Variants in TRPM1 observed in about 807,000 individuals in gnomAD.
The protein encoded by TRPM1 is TRPM1-203 APA Isoform, Intron 10.
TRPM1 carries 113 observed loss-of-function variants against 149.4 expected under a neutral mutation model. That is an observed-to-expected ratio of 0.76 (90% CI 0.65 to 0.88). The LOEUF is 0.88. Among genes scored for constraint, TRPM1 ranks in the 40% least tolerant of loss-of-function variants. The probability of loss-of-function intolerance (pLI) is 0.00; values close to 1 mark genes in which losing one functional copy is unlikely to be tolerated. For missense variants in TRPM1, 1,976 were observed against 2,038.7 expected (o/e 0.97, Z 0.59); for synonymous variants, 741 against 759.5 (o/e 0.98, Z 0.40).
At position 31,040,289 on chromosome 15, in the gene TRPM1, C is replaced by T; in HGVS notation, c.2145G>A (p.Gln715=). ...CGTAGGTCAGGAGTTTCATAGCGAT[C>T]TGCTCGTCATGCTTATAGGACTGGT... ...LLDQSYKHDE[Q]IAMKLLTYEL... Residue 715 remains glutamine, a synonymous_variant, in exon 18 of 28, where the codon CAG becomes CAA. Coordinates refer to ENST00000256552, the MANE Select transcript of TRPM1 (RefSeq NM_001252024.2). The surrounding 1 kb of genome is among the most constrained non-coding windows in gnomAD (Gnocchi z 4.2). The T allele has an allele frequency of 6.2e-7, 1 of 1,614,222 alleles. No homozygotes were observed. The highest frequency in any genetic ancestry group is 8.5e-7 in the Non-Finnish European group (1 of 1,180,044).
In TRPM1 at chr15:31,040,114, G is replaced by C. The variant is rs530699329; in HGVS notation, c.2316+4C>G. ...TGGCCCGCCTCGCAGCACGTTGCACGCACCTTCAGGCCGGGGTTCTTCCGC... is the reference window on the plus strand; with the variant it reads ...TGGCCCGCCTCGCAGCACGTTGCACCCACCTTCAGGCCGGGGTTCTTCCGC... On this transcript the variant is annotated splice_donor_region_variant and intron_variant, in intron 18 of 27. Coordinates refer to ENST00000256552, the MANE Select transcript of TRPM1 (RefSeq NM_001252024.2). This position sits in a 1 kb window ranked among gnomAD's most constrained non-coding sequence, Gnocchi z 4.2. 53 of 1,613,892 alleles carry C rather than the reference G, an allele frequency of 3.3e-5. No homozygotes were observed. The East Asian group carries it at 1.0e-3, about 31-fold the overall frequency.
At chr15:31,097,771 C>T (rs923581450) in intron 1 of TRPM1, among the ~76,000 whole-genome samples, 5 of 152,122 alleles carry the variant, frequency 3.3e-5, no homozygotes, top group Non-Finnish European at 2.9e-5. Flanking sequence ...AGAGCTGTCC[C>T]GCATGGTAGA....
rs2140899012 is a variant in TRPM1 at position 31,026,210 on chromosome 15, C to T, written c.3558G>A (p.Gln1186=). The change falls in exon 27 of 28, where the codon CAG becomes CAA. Residue 1186 remains glutamine, a synonymous_variant. Transcript: ENST00000256552. ...RLHEFEEQCV[Q]EHFREKEDEQ... ...CATCCTCCTTCTCCCGGAAGTGCTC[C>T]TGCACGCACTGCTCCTCGAACTCAT... The T allele has an allele frequency of 3.1e-6, 5 of 1,612,612 alleles. No homozygotes were observed. The highest frequency in any genetic ancestry group is 1.1e-5 in the South Asian group (1 of 91,078).
intron 11 of TRPM1, among the ~76,000 whole-genome samples, chr15:31,055,665 C>T (rs1211921992): frequency 6.6e-6 from 1 of 152,136 alleles, no homozygotes. Flanking sequence ...GGCCCAGAGC[C>T]CATCAGCCCT....
rs933835901 is a variant in TRPM1, at chr15:31,055,537, G to A, written c.1264-4955C>T. On this transcript the variant is annotated intron_variant, in intron 11 of 27. Transcript: ENST00000256552. ...CCGGAAGATGGTCTACAGAGCAGGAGGCCACACATCCCCTCCCGGTCTCCA... is the reference window on the plus strand; with the variant it reads ...CCGGAAGATGGTCTACAGAGCAGGAAGCCACACATCCCCTCCCGGTCTCCA... 2.0e-5 allele frequency among the ~76,000 whole-genome samples: 3 copies of A among 152,184 alleles called. No individual in the cohort carries two copies. The South Asian group carries it at 6.2e-4, about 32-fold the overall frequency.
chr15:31,156,893 T>C (rs2036384661), intron 1 of TRPM1, among the ~76,000 whole-genome samples: 1 of 152,044 alleles, frequency 6.6e-6, no homozygotes, highest in Admixed American at 6.6e-5. Context: ...GGATTTCCCT[T>C]GTTTTAGATT....
chr15:31,029,943 A>G (rs1432175146), intron 23 of TRPM1, among the ~76,000 whole-genome samples: 2 of 152,230 alleles, frequency 1.3e-5, no homozygotes, highest in African/African-American at 4.8e-5. Flanking sequence ...CCTGGAATTC[A>G]GGAACTTTTA....
intron 27 of TRPM1, among the ~76,000 whole-genome samples, chr15:31,022,789 C>T (rs185172564): frequency 6.6e-6 from 1 of 152,072 alleles, no homozygotes; most frequent in Admixed American, 6.5e-5. Flanking sequence ...GAGGCTGAGG[C>T]AGGATTGCTG....
chr15:31,057,265 T>C (rs921827845), intron 11 of TRPM1, among the ~76,000 whole-genome samples: 23 of 152,210 alleles, frequency 1.5e-4, no homozygotes, highest in Admixed American at 1.5e-3. Context: ...TGGAGGCCAT[T>C]ATCCTTAGCA....
chr15:31,115,466 T>C (rs1359275591), intron 1 of TRPM1, among the ~76,000 whole-genome samples: 1 of 152,020 alleles, frequency 6.6e-6, no homozygotes, highest in Non-Finnish European at 1.5e-5. Flanking sequence ...GAAATAGAAT[T>C]ATAGCTTCTA....
At chr15:31,104,521 G>A (rs1479782669), upstream of TRPM1, among the ~76,000 whole-genome samples, 9 of 151,942 alleles carry the variant, frequency 5.9e-5, no homozygotes, top group Non-Finnish European at 1.0e-4. Context: ...TTGCAATGCC[G>A]GCGGACTTTG....
Position 31,143,780 on chromosome 15 carries a change from A to AT in TRPM1, c.54+17125dup, listed in dbSNP as rs2036189269. ...TTTAAGCTATCTATAGCTTACAGCA[A>AT]TTTTGTGAAGCATACTTTTGTAAAC... On this transcript the variant is annotated intron_variant, in intron 1 of 26. Coordinates refer to the TRPM1 transcript ENST00000542188. Among the ~76,000 whole-genome samples, 6 of 152,076 alleles carry AT rather than the reference A, an allele frequency of 3.9e-5. No individual in the cohort carries two copies. In the South Asian group the frequency reaches 1.2e-3, roughly 32 times the overall value.
chr15:31,057,394 G>A (rs1356404728), intron 11 of TRPM1, among the ~76,000 whole-genome samples: 1 of 152,128 alleles, frequency 6.6e-6, no homozygotes, highest in East Asian at 1.9e-4. Context: ...GGAGGGAGGA[G>A]AGTGGGAGGA....
upstream of TRPM1, among the ~76,000 whole-genome samples, chr15:31,105,956 C>G (rs2035600668): frequency 1.3e-5 from 2 of 152,100 alleles, no homozygotes; most frequent in African/African-American, 4.8e-5. Flanking sequence ...ATTGAATTTT[C>G]CATTGGATTT....
At chr15:31,069,942 A>G (rs747248803) in intron 4 of TRPM1, 89 bp downstream of exon 4, 3 of 1,612,584 alleles carry the variant, frequency 1.9e-6, no homozygotes, top group Non-Finnish European at 2.5e-6. Flanking sequence ...GCCATGAAGA[A>G]GACCAGGTAT....
At chr15:31,061,547 G>A (rs749262294) in intron 9 of TRPM1, 33 bp from the exon 10 acceptor site, 3 of 1,599,292 alleles carry the variant, frequency 1.9e-6, no homozygotes, top group South Asian at 2.2e-5. Context: ...TTAAAGCCAA[G>A]TTGAAAACAA....
At position 31,098,139 on chromosome 15, in the gene TRPM1, G is replaced by C. The variant is rs979118231; in HGVS notation, c.-84+3518C>G. Among the ~76,000 whole-genome samples, 32 of 152,178 alleles carry C rather than the reference G, an allele frequency of 2.1e-4. 1 individual carries two copies. The highest frequency in any genetic ancestry group is 7.4e-5 in the Non-Finnish European group (5 of 68,020). ...ATTTCTATTAGGCAGCAGAGGTCTA[G>C]AATAATACACATCAGGCCGGGCGTG... On this transcript the variant is annotated intron_variant, in intron 1 of 27. Transcript: ENST00000256552.
intron 27 of TRPM1, among the ~76,000 whole-genome samples, chr15:31,005,662 C>T (rs7182907): frequency 0.033 from 5,067 of 152,246 alleles, 290 homozygotes; most frequent in African/African-American, 0.12. Flanking sequence ...TTTTAAACAG[C>T]TATGCCAAAC....
chr15:31,104,181 G>A (rs1306790685), upstream of TRPM1, among the ~76,000 whole-genome samples: 1 of 152,136 alleles, frequency 6.6e-6, no homozygotes, highest in African/African-American at 2.4e-5. Flanking sequence ...TCCTCATGGG[G>A]GAGCCATGAG....
Sources: allele counts gnomAD v4.1 joint callset (sites outside exome capture counted in the v4.1 genomes callset), GRCh38; gene constraint gnomAD v4.1.1; non-coding constraint Gnocchi (gnomAD v3.1); transcripts MANE v1.5; gene names NCBI Gene and HGNC (gene_info 2026-07-23, HGNC 2026-07-21).